Variants in C12orf42 observed in about 807,000 individuals in gnomAD.
C12orf42 encodes the protein chromosome 12 open reading frame 42.
In C12orf42, 25 loss-of-function variants were observed where a neutral mutation model predicts 21.6. That is an observed-to-expected ratio of 1.16 (90% CI 0.84 to 1.62). C12orf42 has a LOEUF of 1.62. C12orf42 is among the 40% of genes most tolerant of loss of function. The pLI is 0.00. For missense variants in C12orf42, 483 were observed against 459.3 expected (o/e 1.05, Z -0.47); for synonymous variants, 174 against 175.0 (o/e 0.99, Z 0.05).
chr12:103,239,723 A>C (rs1333455246), intron 10 of C12orf42, among the ~76,000 whole-genome samples: 1 of 152,110 alleles, frequency 6.6e-6, no homozygotes, highest in Non-Finnish European at 1.5e-5. Context: ...TTCCCTTGGA[A>C]GTGGGTGTGC....
chr12:103,339,126 A>C (rs1447248717), intron 4 of C12orf42, among the ~76,000 whole-genome samples: 1 of 152,254 alleles, frequency 6.6e-6, no homozygotes, highest in Admixed American at 6.5e-5. Flanking sequence ...AATTCAAGAC[A>C]TAAATATTAT....
chr12:103,098,819 C>T, the C12orf42 span, among the ~76,000 whole-genome samples: 1 of 152,298 alleles, frequency 6.6e-6, no homozygotes, highest in Non-Finnish European at 1.5e-5. Flanking sequence ...ATAATAATGC[C>T]TACAGGGACT....
At chr12:103,280,044 C>A (rs761594596) in intron 4 of C12orf42, among the ~76,000 whole-genome samples, 1 of 152,134 alleles carries the variant, frequency 6.6e-6, no homozygotes, top group African/African-American at 2.4e-5. Context: ...ACAACATCAA[C>A]AATAATAATA....
At chr12:103,210,774 TTAG>T in the C12orf42 span, among the ~76,000 whole-genome samples, 1 of 151,592 alleles carries the variant, frequency 6.6e-6, no homozygotes, top group East Asian at 1.9e-4. Context: ...AGTCAGGGTA[TTAG>T]TAGTGAAGAA....
At chr12:103,530,650 G>A in the C12orf42 span, among the ~76,000 whole-genome samples, 11 of 152,092 alleles carry the variant, frequency 7.2e-5, no homozygotes, top group Admixed American at 5.2e-4. Flanking sequence ...CCACACCATC[G>A]GAAACCCTCC....
chr12:103,450,606 T>C (rs1416955092), intron 2 of C12orf42, among the ~76,000 whole-genome samples: 1 of 152,110 alleles, frequency 6.6e-6, no homozygotes, highest in Non-Finnish European at 1.5e-5. Context: ...TGAGCAATTG[T>C]TGCCAGGTCA....
chr12:103,449,336 G>C (rs969380079), intron 2 of C12orf42, among the ~76,000 whole-genome samples: 1 of 151,814 alleles, frequency 6.6e-6, no homozygotes, highest in Non-Finnish European at 1.5e-5. Context: ...TGGGGACTTG[G>C]GGGGAAGGTT....
intron 1 of C12orf42, among the ~76,000 whole-genome samples, chr12:103,481,823 A>C (rs1954494687): frequency 6.6e-6 from 1 of 150,388 alleles, no homozygotes; most frequent in African/African-American, 2.4e-5. Context: ...TTTTCCCTAC[A>C]CTTTTAGAAT....
chr12:103,181,570 G>A, the C12orf42 span, among the ~76,000 whole-genome samples: 41 of 152,320 alleles, frequency 2.7e-4, no homozygotes, highest in Admixed American at 1.4e-3. Context: ...GCCTGTGTAA[G>A]CTGAAAAGGG....
At chr12:103,137,010 C>G in the C12orf42 span, among the ~76,000 whole-genome samples, 1 of 152,008 alleles carries the variant, frequency 6.6e-6, no homozygotes, top group Non-Finnish European at 1.5e-5. Context: ...GCAACAAAAG[C>G]AAAAATAGAC....
intron 4 of C12orf42, among the ~76,000 whole-genome samples, chr12:103,291,882 T>C (rs1389754350): frequency 6.6e-6 from 1 of 152,154 alleles, no homozygotes; most frequent in Non-Finnish European, 1.5e-5. Context: ...TGACTGGTGC[T>C]TGGAAAACAA....
At chr12:103,158,472 G>T in the C12orf42 span, among the ~76,000 whole-genome samples, 1 of 152,104 alleles carries the variant, frequency 6.6e-6, no homozygotes. Context: ...TTTTGTTTTT[G>T]TTTTTAACCT....
chr12:103,425,592 G>A (rs1404503210), intron 2 of C12orf42, among the ~76,000 whole-genome samples: 1 of 152,318 alleles, frequency 6.6e-6, no homozygotes, highest in East Asian at 1.9e-4. Context: ...TGCAGCAGAG[G>A]GGCCTGACTG....
At chr12:103,163,647 T>C in the C12orf42 span, among the ~76,000 whole-genome samples, 1 of 152,192 alleles carries the variant, frequency 6.6e-6, no homozygotes, top group Non-Finnish European at 1.5e-5. Context: ...GGCATTGAAC[T>C]AGATCTTTTA....
chr12:103,433,340 T>C (rs978455677), intron 2 of C12orf42, among the ~76,000 whole-genome samples: 6 of 152,222 alleles, frequency 3.9e-5, no homozygotes, highest in African/African-American at 1.4e-4. Flanking sequence ...CTAGCACAAT[T>C]ATTAATGAAT....
chr12:103,239,959 A>C (rs77348668), intron 10 of C12orf42, among the ~76,000 whole-genome samples: 1,837 of 152,318 alleles, frequency 0.012, 52 homozygotes, highest in African/African-American at 0.042. Context: ...CTATATTACC[A>C]GTAAACACCA....
chr12:103,324,733 G>A (rs907453566), intron 4 of C12orf42, among the ~76,000 whole-genome samples: 15 of 151,882 alleles, frequency 9.9e-5, no homozygotes, highest in Non-Finnish European at 1.8e-4. Flanking sequence ...TCTCCATTTC[G>A]GTTCTTACAG....
the C12orf42 span, among the ~76,000 whole-genome samples, chr12:103,534,157 T>C: frequency 1.3e-5 from 2 of 152,370 alleles, no homozygotes; most frequent in South Asian, 2.1e-4. Flanking sequence ...GTGGGCATTA[T>C]TGTTTTATCA....
intron 3 of C12orf42, among the ~76,000 whole-genome samples, chr12:103,377,754 T>C (rs1361927782): frequency 1.3e-5 from 2 of 152,130 alleles, no homozygotes; most frequent in African/African-American, 2.4e-5. Context: ...TTAGAAGATA[T>C]GGAGAACCTT....
Sources: allele counts gnomAD v4.1 joint callset (sites outside exome capture counted in the v4.1 genomes callset), GRCh38; gene constraint gnomAD v4.1.1; transcripts MANE v1.5; gene names NCBI Gene and HGNC (gene_info 2026-07-23, HGNC 2026-07-21).